The following DAB1 variants were observed in gnomAD, a reference collection of about 807,000 sequenced individuals.
DAB1 encodes the protein DAB adaptor protein 1.
DAB1 carries 15 observed loss-of-function variants against 64.6 expected under a neutral mutation model. The ratio of observed to expected loss-of-function variants is 0.23; its 90% confidence interval spans 0.16 to 0.36. The LOEUF (loss-of-function observed/expected upper bound fraction) is 0.36. Among genes scored for constraint, DAB1 ranks in the 10% least tolerant of loss-of-function variants. The pLI is 1.00. For missense variants in DAB1, 596 were observed against 706.7 expected, an observed-to-expected ratio of 0.84 and a Z score of 1.78; for synonymous variants, 235 against 251.9, an observed-to-expected ratio of 0.93 and a Z score of 0.64.
At chr1:57,832,994 G>A (rs1652656325) in intron 1 of DAB1, among the ~76,000 whole-genome samples, 1 of 151,456 alleles carries the variant, frequency 6.6e-6, no homozygotes, top group Non-Finnish European at 1.5e-5. Flanking sequence ...ATGCCTCTCA[G>A]GCTGTGGATA....
At chr1:58,248,293 T>C (rs139186773) in intron 4 of DAB1, among the ~76,000 whole-genome samples, 45 of 152,232 alleles carry the variant, frequency 3.0e-4, no homozygotes, top group African/African-American at 9.1e-4. Context: ...TGCTGTCACA[T>C]TGCATGTACT....
At chr1:57,520,931 G>C (rs940839103) in intron 7 of DAB1, among the ~76,000 whole-genome samples, 1 of 151,920 alleles carries the variant, frequency 6.6e-6, no homozygotes, top group Non-Finnish European at 1.5e-5. Flanking sequence ...AAAGACATTG[G>C]GAAGACGTGT....
intron 3 of DAB1, among the ~76,000 whole-genome samples, chr1:58,453,826 C>T (rs1244825737): frequency 6.6e-6 from 1 of 151,552 alleles, no homozygotes; most frequent in East Asian, 2.0e-4. Context: ...TCTCACAGAA[C>T]CTGTGAGAGA....
intron 4 of DAB1, among the ~76,000 whole-genome samples, chr1:58,334,636 C>T (rs1341744): frequency 0.033 from 3,470 of 106,474 alleles, 149 homozygotes; most frequent in African/African-American, 0.1. Context: ...TATATTATAT[C>T]ATATCATATC....
intron 14 of DAB1, among the ~76,000 whole-genome samples, chr1:57,008,765 T>G (rs1394205437): frequency 1.3e-5 from 2 of 152,192 alleles, no homozygotes; most frequent in Non-Finnish European, 2.9e-5. Flanking sequence ...CAACATAAAC[T>G]ATCTCAGTTA....
Position 58,301,469 on chromosome 1 carries a change from A to G in DAB1, n.309+41883T>C, listed in dbSNP as rs148426266. Among the ~76,000 whole-genome samples the G allele has an allele frequency of 3.5e-3, 535 of 151,714 alleles. 2 individuals are homozygous for G. The highest frequency in any genetic ancestry group is 5.4e-3 in the Non-Finnish European group (364 of 67,994). On this transcript the variant is annotated intron_variant and non_coding_transcript_variant, in intron 4 of 20. Transcript: ENST00000485760. ...TCAACACAAATTCATAAACTTTCTT[A>G]GAACATTGTGAGATTATTTTGCGAA...
At chr1:58,167,991 G>T (rs1306650450) in intron 4 of DAB1, among the ~76,000 whole-genome samples, 1 of 152,168 alleles carries the variant, frequency 6.6e-6, no homozygotes, top group Non-Finnish European at 1.5e-5. Context: ...ACCAATTCTG[G>T]ACACATTTTG....
chr1:57,190,040 C>T (rs552816057), intron 2 of DAB1, among the ~76,000 whole-genome samples: 10 of 152,240 alleles, frequency 6.6e-5, no homozygotes, highest in Admixed American at 6.5e-4. Flanking sequence ...GGAACAAGAG[C>T]AGGGCCCAAA....
At chr1:57,774,506 G>A (rs566536648) in intron 6 of DAB1, among the ~76,000 whole-genome samples, 69 of 151,854 alleles carry the variant, frequency 4.5e-4, no homozygotes, top group Non-Finnish European at 8.3e-4. Context: ...CTTATGGAAA[G>A]GTATCCAGCT....
At chr1:57,569,606 G>C (rs910270124) in intron 7 of DAB1, among the ~76,000 whole-genome samples, 3 of 151,878 alleles carry the variant, frequency 2.0e-5, no homozygotes, top group Non-Finnish European at 2.9e-5. Context: ...GTGTGGTGGG[G>C]GTAGGGGGGA....
chr1:58,130,547 T>C (rs1653476616), intron 5 of DAB1, among the ~76,000 whole-genome samples: 1 of 152,146 alleles, frequency 6.6e-6, no homozygotes, highest in Non-Finnish European at 1.5e-5. Context: ...AGTTTCTTCC[T>C]AGTCTTGATG....
At chr1:57,016,232 G>T (rs6676740) in intron 11 of DAB1, among the ~76,000 whole-genome samples, 31,563 of 151,794 alleles carry the variant, frequency 0.21, 4,068 homozygotes, top group East Asian at 0.33. Context: ...AAATGGTAGC[G>T]AGAGGTATTA....
chr1:57,032,916 G>A (rs559904347), intron 9 of DAB1, among the ~76,000 whole-genome samples: 36 of 152,172 alleles, frequency 2.4e-4, no homozygotes, highest in Admixed American at 8.5e-4. Context: ...GGTGTACTTG[G>A]CACGTCCTGT....
chr1:57,842,006 G>A (rs957307400), intron 1 of DAB1, among the ~76,000 whole-genome samples: 4 of 152,116 alleles, frequency 2.6e-5, no homozygotes, highest in South Asian at 2.1e-4. Context: ...CTTTTTAAAC[G>A]TAAGTTCCAA....
chr1:58,073,225 T>C (rs1482424235), intron 5 of DAB1, among the ~76,000 whole-genome samples: 1 of 152,208 alleles, frequency 6.6e-6, no homozygotes, highest in Non-Finnish European at 1.5e-5. Flanking sequence ...TTGTCCATTG[T>C]TCTGCCTTCA....
chr1:57,285,929 T>C (rs983782658), intron 2 of DAB1, among the ~76,000 whole-genome samples: 1 of 152,228 alleles, frequency 6.6e-6, no homozygotes, highest in Non-Finnish European at 1.5e-5. Flanking sequence ...CCTCCTTTGA[T>C]GGCAGGTAAC....
At chr1:57,733,646 C>T (rs1647541549) in intron 6 of DAB1, among the ~76,000 whole-genome samples, 1 of 152,122 alleles carries the variant, frequency 6.6e-6, no homozygotes, top group Non-Finnish European at 1.5e-5. Context: ...TTTAGAGATA[C>T]TCTTTTACAA....
chr1:57,066,929 G>A (rs1300916552), intron 8 of DAB1, among the ~76,000 whole-genome samples: 1 of 152,116 alleles, frequency 6.6e-6, no homozygotes, highest in African/African-American at 2.4e-5. Context: ...GTGAATAAAA[G>A]CTGAGACCAC....
intron 3 of DAB1, among the ~76,000 whole-genome samples, chr1:58,455,129 AGAG>A (rs1187150535): frequency 6.6e-6 from 1 of 152,224 alleles, no homozygotes; most frequent in Non-Finnish European, 1.5e-5. Flanking sequence ...TTCAACTGGG[AGAG>A]GATCCCAGGA....
Sources: gnomAD v4.1 joint callset for allele counts (sites outside exome capture counted in the v4.1 genomes callset) on GRCh38, gnomAD v4.1.1 for gene constraint, MANE v1.5 for transcripts, NCBI Gene and HGNC (gene_info 2026-07-23, HGNC 2026-07-21) for gene names.